Variants in NSMAF observed in about 807,000 individuals in gnomAD.
The protein encoded by NSMAF is protein FAN.
Under a neutral mutation model 134.9 loss-of-function variants are expected in NSMAF, and 90 were observed. The observed-to-expected ratio is 0.67, with a 90% CI of 0.56 to 0.79. The LOEUF is 0.79. Ranked by LOEUF, NSMAF falls within the 30% of genes least tolerant of loss-of-function variation. The probability of loss-of-function intolerance (pLI) is 0.00; values close to 1 mark genes in which losing one functional copy is unlikely to be tolerated. For synonymous variants in NSMAF, 358 were observed against 389.6 expected (o/e 0.92, Z 0.96); for missense variants, 1,010 against 1,119.0 (o/e 0.90, Z 1.39).
At chr8:58,592,900 AAC>A (rs1198085836) in intron 23 of NSMAF, among the ~76,000 whole-genome samples, 207 of 118,624 alleles carry the variant, frequency 1.7e-3, no homozygotes, top group African/African-American at 8.3e-3. Flanking sequence ...AAAAAACAAA[AAC>A]AAAAACAACA....
intron 6 of NSMAF, among the ~76,000 whole-genome samples, chr8:58,626,091 C>CTTTTTTT (rs1225264071): frequency 8.1e-5 from 8 of 99,370 alleles, no homozygotes; most frequent in East Asian, 3.3e-4. Flanking sequence ...TTATATAATT[C>CTTTTTTT]TTTTTTTTTT....
At chr8:58,642,263 G>A (rs1449481447) in intron 2 of NSMAF, among the ~76,000 whole-genome samples, 2 of 152,204 alleles carry the variant, frequency 1.3e-5, no homozygotes, top group Non-Finnish European at 2.9e-5. Context: ...CAGTTGTTAA[G>A]TAACCTCCCA....
At chr8:58,650,338 T>G (rs762614245) in intron 1 of NSMAF, among the ~76,000 whole-genome samples, 4 of 152,230 alleles carry the variant, frequency 2.6e-5, no homozygotes, top group Non-Finnish European at 4.4e-5. Context: ...GGCTTTAACC[T>G]TTTTGAAATT....
intron 2 of NSMAF, among the ~76,000 whole-genome samples, chr8:58,639,089 C>T (rs1288856937): frequency 6.6e-6 from 1 of 152,058 alleles, no homozygotes. Flanking sequence ...TCGACACCAT[C>T]CTGGCTAACA....
intron 9 of NSMAF, among the ~76,000 whole-genome samples, chr8:58,610,253 G>GA (rs1806498207): frequency 6.6e-6 from 1 of 152,078 alleles, no homozygotes; most frequent in Non-Finnish European, 1.5e-5. Context: ...GAAAACCTCT[G>GA]AAAAATGATC....
chr8:58,634,229 T>A (rs1454953107), intron 5 of NSMAF, among the ~76,000 whole-genome samples: 1 of 152,200 alleles, frequency 6.6e-6, no homozygotes, highest in Non-Finnish European at 1.5e-5. Flanking sequence ...TTCCTTAAAA[T>A]TAATAGAATC....
chr8:58,611,116 AAAT>A (rs764699771), intron 9 of NSMAF, among the ~76,000 whole-genome samples: 2 of 152,208 alleles, frequency 1.3e-5, no homozygotes, highest in Non-Finnish European at 2.9e-5. Flanking sequence ...CAATACAATA[AAAT>A]TATAATGCAT....
intron 25 of NSMAF, 137 bp from the exon 26 acceptor site, chr8:58,589,712 A>G (rs1805980426): frequency 1.2e-6 from 1 of 839,700 alleles, no homozygotes; most frequent in South Asian, 2.8e-5. Context: ...TTGTTCTCAA[A>G]TTACTAAATC....
chr8:58,635,253 A>G, intron 4 of NSMAF, 28 bp from the exon 5 acceptor site: 1 of 1,608,936 alleles, frequency 6.2e-7, no homozygotes, highest in South Asian at 1.1e-5. Flanking sequence ...GTCATTAAAT[A>G]TATACAGCTT....
intron 9 of NSMAF, among the ~76,000 whole-genome samples, chr8:58,613,246 T>C (rs1806571282): frequency 6.6e-6 from 1 of 152,226 alleles, no homozygotes; most frequent in South Asian, 2.1e-4. Context: ...AGCTATTGAT[T>C]TTTAAAGCAC....
chr8:58,628,909 A>C (rs1208484888), intron 6 of NSMAF, among the ~76,000 whole-genome samples: 1 of 152,132 alleles, frequency 6.6e-6, no homozygotes, highest in Admixed American at 6.6e-5. Context: ...CTGGTGAAAA[A>C]TCTGATCATT....
intron 16 of NSMAF, among the ~76,000 whole-genome samples, chr8:58,600,990 T>C (rs556019519): frequency 3.3e-4 from 50 of 152,304 alleles, no homozygotes; most frequent in Middle Eastern, 6.8e-3. Context: ...TAGAATGTGA[T>C]ACAATAATTT....
rs1028872239 is a variant in NSMAF, at chr8:58,591,430, G to A, written c.1952-496C>T. 4.8e-5 allele frequency among the ~76,000 whole-genome samples: 7 copies of A among 146,298 alleles called. No individual in the cohort carries two copies. In the East Asian group the frequency reaches 1.4e-3, roughly 30 times the overall value. On this transcript the variant is annotated intron_variant, in intron 23 of 30. Coordinates refer to ENST00000038176, the MANE Select transcript of NSMAF (RefSeq NM_003580.4). Reference sequence around the variant, plus strand: ...CACTGACTTTCTAAATAATAATAAAGTAGAAATTAAAAATCCAAGCATTTA... The same window carrying A: ...CACTGACTTTCTAAATAATAATAAAATAGAAATTAAAAATCCAAGCATTTA...
intron 6 of NSMAF, among the ~76,000 whole-genome samples, chr8:58,625,394 A>ATATATATG (rs145506455): frequency 3.3e-5 from 5 of 151,650 alleles, no homozygotes; most frequent in African/African-American, 9.7e-5. Flanking sequence ...ATGTATATGC[A>ATATATATG]TATGTATGTA....
intron 16 of NSMAF, among the ~76,000 whole-genome samples, chr8:58,600,510 C>G (rs972782636): frequency 2.0e-5 from 3 of 150,842 alleles, no homozygotes; most frequent in Non-Finnish European, 4.4e-5. Context: ...GTAGTCCCAG[C>G]TACTCAGGAG....
chr8:58,642,008 A>G (rs1270474742), intron 2 of NSMAF, among the ~76,000 whole-genome samples: 3 of 152,224 alleles, frequency 2.0e-5, no homozygotes, highest in Admixed American at 6.5e-5. Flanking sequence ...GGAAAAGAAT[A>G]TGAGCAAAAT....
intron 1 of NSMAF, among the ~76,000 whole-genome samples, chr8:58,643,381 CT>C (rs755347674): frequency 4.9e-4 from 74 of 152,296 alleles, no homozygotes; most frequent in Admixed American, 1.9e-3. Flanking sequence ...AAGCTCAGCG[CT>C]TTCCTACTTA....
At chr8:58,600,359 T>C (rs985279136) in intron 16 of NSMAF, among the ~76,000 whole-genome samples, 6 of 151,992 alleles carry the variant, frequency 3.9e-5, no homozygotes, top group Non-Finnish European at 8.8e-5. Context: ...GCGCGGTGGC[T>C]CACACCTGTA....
chr8:58,642,677 C>T (rs889011734), intron 2 of NSMAF, among the ~76,000 whole-genome samples: 8 of 152,048 alleles, frequency 5.3e-5, no homozygotes, highest in Non-Finnish European at 7.4e-5. Context: ...GGAACAAATG[C>T]TTTTTAGCTT....
Sources: allele counts gnomAD v4.1 joint callset (sites outside exome capture counted in the v4.1 genomes callset), GRCh38; gene constraint gnomAD v4.1.1; transcripts MANE v1.5; gene names NCBI Gene and HGNC (gene_info 2026-07-23, HGNC 2026-07-21).